MYO5B: variants seen among roughly 807,000 people sequenced by gnomAD.
MYO5B encodes myosin VB.
A neutral mutation model predicts 229.3 loss-of-function variants in MYO5B; 143 were observed. That is an observed-to-expected ratio of 0.62 (90% confidence interval 0.54 to 0.72). MYO5B has a LOEUF of 0.72. Ranked by LOEUF, MYO5B falls within the 30% of genes least tolerant of loss-of-function variation. The pLI is 0.00. For synonymous variants in MYO5B, 918 were observed against 885.2 expected, an observed-to-expected ratio of 1.04 and a Z score of -0.66; for missense variants, 2,321 against 2,331.0, an observed-to-expected ratio of 1.00 and a Z score of 0.09.
intron 22 of MYO5B, among the ~76,000 whole-genome samples, chr18:49,892,930 T>G (rs1468418905): frequency 6.6e-6 from 1 of 152,226 alleles, no homozygotes; most frequent in African/African-American, 2.4e-5. Context: ...TCCTTAATTT[T>G]TTGTTACCAA....
chr18:50,185,394 G>A (rs548792359), intron 1 of MYO5B, among the ~76,000 whole-genome samples: 2 of 152,034 alleles, frequency 1.3e-5, no homozygotes, highest in African/African-American at 2.4e-5. Flanking sequence ...TATCAATGAA[G>A]ACTATAAATG....
At chr18:49,904,271 T>A (rs1298656093) in intron 20 of MYO5B, among the ~76,000 whole-genome samples, 2 of 152,176 alleles carry the variant, frequency 1.3e-5, no homozygotes, top group South Asian at 2.1e-4. Context: ...GAGCTGCTTG[T>A]TAAAAGAGCC....
chr18:50,115,304 C>A (rs1438256623), intron 1 of MYO5B, among the ~76,000 whole-genome samples: 1 of 152,244 alleles, frequency 6.6e-6, no homozygotes, highest in Admixed American at 6.5e-5. Flanking sequence ...AATACTCAGA[C>A]AGCAGTGAGC....
At position 49,879,194 on chromosome 18, in the gene MYO5B, A is replaced by T; in HGVS notation, c.3131-104T>A. 3 of 1,386,458 alleles carry T rather than the reference A, an allele frequency of 2.2e-6. No homozygotes were observed. In the East Asian group the frequency reaches 6.9e-5, roughly 32 times the overall value. 85.9% of individuals were successfully genotyped at this position (1,386,458 alleles called of 1,614,324 possible). ...TCTTGTTAAGAGGCTGCCCATGACGAGCTCATCAGAGGCTCTTGATGAATC... is the reference window on the plus strand; with the variant it reads ...TCTTGTTAAGAGGCTGCCCATGACGTGCTCATCAGAGGCTCTTGATGAATC... On this transcript the variant is annotated intron_variant, in intron 23 of 39. Coordinates refer to ENST00000285039, the MANE Select transcript of MYO5B (RefSeq NM_001080467.3).
intron 1 of MYO5B, among the ~76,000 whole-genome samples, chr18:50,120,104 T>A (rs932556936): frequency 1.3e-5 from 2 of 152,260 alleles, no homozygotes; most frequent in Admixed American, 6.5e-5. Flanking sequence ...AACTTAAGTA[T>A]TTAAGCAATC....
At chr18:49,859,649 G>A (rs1454902089) in intron 29 of MYO5B, among the ~76,000 whole-genome samples, 1 of 152,186 alleles carries the variant, frequency 6.6e-6, no homozygotes. Context: ...AACAGTTTGT[G>A]GATTAATATG....
In MYO5B at chr18:49,978,103, T is replaced by C. The variant is rs189173681; in HGVS notation, c.1056+2341A>G. ...ATGCCTTCTGGAACTTCCTGCCGCCTAGCAGAGAAAGGGCTGCCACACCAG... is the reference window on the plus strand; with the variant it reads ...ATGCCTTCTGGAACTTCCTGCCGCCCAGCAGAGAAAGGGCTGCCACACCAG... On this transcript the variant is annotated intron_variant, in intron 9 of 39. Coordinates refer to ENST00000285039, the MANE Select transcript of MYO5B (RefSeq NM_001080467.3). 5.9e-5 allele frequency among the ~76,000 whole-genome samples: 9 copies of C among 152,302 alleles called. No individual in the cohort carries two copies. In the East Asian group the frequency reaches 1.7e-3, roughly 29 times the overall value.
intron 2 of MYO5B, among the ~76,000 whole-genome samples, chr18:50,046,392 C>G (rs1043806747): frequency 2.6e-5 from 4 of 152,226 alleles, no homozygotes; most frequent in African/African-American, 9.6e-5. Context: ...AACCCAAGTT[C>G]TGTAAGGCCT....
At chr18:49,984,647 C>T (rs2025851527) in intron 8 of MYO5B, 71 bp downstream of exon 8, 3 of 1,199,816 alleles carry the variant, frequency 2.5e-6, no homozygotes, top group South Asian at 2.4e-5. Flanking sequence ...CACAGTGGGA[C>T]ATCGCCTTGC....
At chr18:49,867,664 A>G (rs973818173) in intron 27 of MYO5B, among the ~76,000 whole-genome samples, 1 of 152,188 alleles carries the variant, frequency 6.6e-6, no homozygotes, top group African/African-American at 2.4e-5. Context: ...CAAAGTAGAT[A>G]TTTCACACGG....
intron 1 of MYO5B, among the ~76,000 whole-genome samples, chr18:50,162,941 T>C (rs1299254325): frequency 1.3e-5 from 2 of 152,234 alleles, no homozygotes; most frequent in Non-Finnish European, 2.9e-5. Flanking sequence ...ACCTATCAGC[T>C]AAGCAAAGTG....
rs766866771 is a variant in MYO5B at position 49,843,220 on chromosome 18, CCTT to C, written c.4611+18_4611+20del. ...TCACTCTACCCACCACAAACCATGA[CCTT>C]CTGCAGGGGCTGCTTACTTTCAGGA... On this transcript the variant is annotated intron_variant, in intron 34 of 39. Coordinates refer to ENST00000285039, the MANE Select transcript of MYO5B (RefSeq NM_001080467.3). 5.0e-6 allele frequency: 8 copies of C among 1,613,230 alleles called. No individual in the cohort carries two copies. In the South Asian group the frequency reaches 5.5e-5, roughly 11 times the overall value.
chr18:50,046,957 T>TA (rs1332794680), intron 2 of MYO5B, among the ~76,000 whole-genome samples: 24 of 152,152 alleles, frequency 1.6e-4, no homozygotes, highest in African/African-American at 5.8e-4. Context: ...ATTAAAGACT[T>TA]ACATGTTAGA....
Position 49,880,448 on chromosome 18 carries a change from G to A in MYO5B, c.3053C>T (p.Ala1018Val). Residue 1018 changes from alanine to valine, a missense_variant, in exon 23 of 40, where the codon GCA becomes GTA. Around this residue, in one of 2 missense-constraint regions of MYO5B, gnomAD observed 2,113 missense variants for 2,044.7 expected, o/e 1.03. Transcript: ENST00000285039. Reference sequence around the variant, plus strand: ...GAGAGCATTTTCTTGCTCCAGGTCTGCAACTCGCTGGAAGAGAGCAATAGG... The same window carrying A: ...GAGAGCATTTTCTTGCTCCAGGTCTACAACTCGCTGGAAGAGAGCAATAGG... ...REKDELRKRV[A>V]DLEQENALLK... is the part of the protein sequence containing the mutation. 1 of 1,613,876 alleles carries A rather than the reference G, an allele frequency of 6.2e-7. No individual in the cohort carries two copies. The highest frequency in any genetic ancestry group is 8.5e-7 in the Non-Finnish European group (1 of 1,179,766).
intron 14 of MYO5B, among the ~76,000 whole-genome samples, chr18:49,950,277 G>A (rs952451206): frequency 1.3e-5 from 2 of 152,216 alleles, no homozygotes; most frequent in African/African-American, 4.8e-5. Flanking sequence ...GTTTTAGCTG[G>A]TGAGGGGGAA....
intron 1 of MYO5B, among the ~76,000 whole-genome samples, chr18:50,075,176 A>G (rs1167498158): frequency 6.6e-6 from 1 of 152,196 alleles, no homozygotes; most frequent in African/African-American, 2.4e-5. Flanking sequence ...GAGCTAGAAC[A>G]GACCATGGGA....
intron 14 of MYO5B, among the ~76,000 whole-genome samples, chr18:49,943,458 A>G (rs1382974353): frequency 6.6e-6 from 1 of 152,230 alleles, no homozygotes; most frequent in East Asian, 1.9e-4. Context: ...GTCAGAAATA[A>G]AAACACAATT....
intron 10 of MYO5B, among the ~76,000 whole-genome samples, chr18:49,974,006 C>A (rs1400947096): frequency 2.6e-5 from 4 of 152,194 alleles, no homozygotes; most frequent in African/African-American, 9.6e-5. Flanking sequence ...CCATTTCTCA[C>A]AGTAACTTGC....
intron 4 of MYO5B, among the ~76,000 whole-genome samples, chr18:50,016,705 A>G (rs921933779): frequency 2.6e-5 from 4 of 152,162 alleles, no homozygotes; most frequent in East Asian, 1.9e-4. Context: ...AAAATATACA[A>G]TTCAAAGGTG....
Sources: allele counts gnomAD v4.1 joint callset (sites outside exome capture counted in the v4.1 genomes callset), GRCh38; gene constraint gnomAD v4.1.1; regional missense constraint gnomAD v4.1.1; transcripts MANE v1.5; gene names NCBI Gene and HGNC (gene_info 2026-07-23, HGNC 2026-07-21).